CADPS2: variants seen among roughly 807,000 people sequenced by gnomAD.
CADPS2 encodes calcium-dependent secretion activator 2.
A neutral mutation model predicts 172.5 loss-of-function variants in CADPS2; 93 were observed. The observed-to-expected ratio is 0.54, with a 90% CI of 0.46 to 0.64. The LOEUF (loss-of-function observed/expected upper bound fraction) is 0.64. Ranked by LOEUF, CADPS2 falls within the 30% of genes least tolerant of loss-of-function variation. The pLI, the probability that CADPS2 is intolerant of heterozygous loss-of-function variation, is 0.00. For missense variants in CADPS2, 1,420 were observed against 1,565.9 expected, an observed-to-expected ratio of 0.91 and a Z score of 1.57; for synonymous variants, 546 against 555.2, an observed-to-expected ratio of 0.98 and a Z score of 0.23.
chr7:122,356,447 G>A (rs1290148281), intron 27 of CADPS2, among the ~76,000 whole-genome samples: 1 of 152,084 alleles, frequency 6.6e-6, no homozygotes, highest in African/African-American at 2.4e-5. Flanking sequence ...TGATCAACTG[G>A]CTGGGGTAAT....
chr7:122,469,554 GA>G (rs34867446), intron 14 of CADPS2, among the ~76,000 whole-genome samples: 7 of 152,192 alleles, frequency 4.6e-5, no homozygotes, highest in South Asian at 4.1e-4. Context: ...AGATAGTGGG[GA>G]AAAAACTACT....
chr7:122,438,741 T>C (rs2050976977), intron 16 of CADPS2, among the ~76,000 whole-genome samples: 2 of 152,060 alleles, frequency 1.3e-5, no homozygotes, highest in Non-Finnish European at 2.9e-5. Flanking sequence ...CCATTCAGTG[T>C]GACTGTCACT....
At chr7:122,666,328 T>A (rs2081186305) in intron 2 of CADPS2, among the ~76,000 whole-genome samples, 1 of 148,002 alleles carries the variant, frequency 6.8e-6, no homozygotes, top group South Asian at 2.2e-4. Flanking sequence ...TCCATTGCCC[T>A]ACCTGTGTCT....
Position 122,452,699 on chromosome 7 carries a change from C to T in CADPS2, c.2187-1224G>A, listed in dbSNP as rs2053279307. Reference sequence around the variant, plus strand: ...GGGTGAGCCACCGTGCCCAGCTTAGCTTATTTCTCTAAAGATTATATTTTA... The same window carrying T: ...GGGTGAGCCACCGTGCCCAGCTTAGTTTATTTCTCTAAAGATTATATTTTA... On this transcript the variant is annotated intron_variant, in intron 14 of 29. Coordinates refer to ENST00000449022, the MANE Select transcript of CADPS2 (RefSeq NM_017954.11). Among the ~76,000 whole-genome samples the T allele has an allele frequency of 2.0e-5, 3 of 152,198 alleles. 1 individual carries two copies. The South Asian group carries it at 6.2e-4, about 31-fold the overall frequency.
At chr7:122,686,576 C>T (rs1332105382) in intron 2 of CADPS2, among the ~76,000 whole-genome samples, 4 of 152,188 alleles carry the variant, frequency 2.6e-5, no homozygotes. Context: ...GCATTTCTAA[C>T]AAGTTCCCAG....
intron 8 of CADPS2, among the ~76,000 whole-genome samples, chr7:122,549,247 C>G (rs2063950828): frequency 6.6e-6 from 1 of 151,858 alleles, no homozygotes; most frequent in Admixed American, 6.6e-5. Flanking sequence ...GTCTCTAATA[C>G]AAAAAAATTG....
chr7:122,482,157 T>A (rs978152179), intron 11 of CADPS2, among the ~76,000 whole-genome samples: 1 of 152,098 alleles, frequency 6.6e-6, no homozygotes, highest in Admixed American at 6.5e-5. Context: ...TTCCTTGCAC[T>A]CAGGATGTTA....
At chr7:122,861,979 A>C (rs1817066593) in intron 1 of CADPS2, among the ~76,000 whole-genome samples, 1 of 152,228 alleles carries the variant, frequency 6.6e-6, no homozygotes, top group South Asian at 2.1e-4. Flanking sequence ...AAAATGAGGA[A>C]AATTTTAGAC....
rs557069215 is a variant in CADPS2, at chr7:122,639,024, A to T, written c.787-9696T>A. 2.0e-5 allele frequency among the ~76,000 whole-genome samples: 3 copies of T among 152,332 alleles called. No homozygotes were observed. In the East Asian group the frequency reaches 5.8e-4, roughly 29 times the overall value. ...TCTCTTCATAAAGCGAAATTTTCAG[A>T]GGCCAAAGGGTACTAACTTCTGTGG... On this transcript the variant is annotated intron_variant, in intron 3 of 29. Transcript: ENST00000449022.
intron 1 of CADPS2, among the ~76,000 whole-genome samples, chr7:122,757,788 T>G (rs1443045200): frequency 6.6e-6 from 1 of 152,054 alleles, no homozygotes; most frequent in Non-Finnish European, 1.5e-5. Context: ...TAGTCATTAT[T>G]CACACGATAC....
intron 1 of CADPS2, among the ~76,000 whole-genome samples, chr7:122,759,657 GA>G (rs1371550737): frequency 3.3e-5 from 5 of 152,232 alleles, no homozygotes; most frequent in African/African-American, 1.2e-4. Context: ...GGACTTCAAT[GA>G]TTTTAATGGA....
At position 122,541,661 on chromosome 7, in the gene CADPS2, ATATTCATATATGTTTATATATT is replaced by A. The variant is rs1242300514; in HGVS notation, c.1475+12867_1475+12888del. The stretch of plus-strand genomic sequence containing the variant: ...TATTCATATATATTCATATCTTTAT[ATATTCATATATGTTTATATATT>A]TATTCATATATGTTTATATATTCAT... On this transcript the variant is annotated intron_variant, in intron 8 of 29. Transcript: ENST00000449022. Among the ~76,000 whole-genome samples the A allele has an allele frequency of 5.5e-5, 8 of 145,578 alleles. No individual in the cohort carries two copies. The East Asian group carries it at 9.8e-4, about 18-fold the overall frequency.
chr7:122,559,529 T>C (rs2065454519), intron 7 of CADPS2, among the ~76,000 whole-genome samples: 1 of 152,014 alleles, frequency 6.6e-6, no homozygotes, highest in Non-Finnish European at 1.5e-5. Context: ...CCAGCACTTT[T>C]GGGAAGCCGA....
intron 9 of CADPS2, among the ~76,000 whole-genome samples, chr7:122,499,712 G>T (rs1000725599): frequency 2.0e-5 from 3 of 152,174 alleles, no homozygotes; most frequent in Admixed American, 2.0e-4. Flanking sequence ...GTTAGGGTAT[G>T]CAAGTAAACA....
rs114322349 is a variant in CADPS2 at position 122,670,802 on chromosome 7, T to A, written c.454-7233A>T. 4.5e-3 allele frequency among the ~76,000 whole-genome samples: 681 copies of A among 150,608 alleles called. 5 individuals carry two copies. Among genetic ancestry groups the A allele is most frequent in the African/African-American group, 0.016 (644 of 41,028 alleles). On this transcript the variant is annotated intron_variant, in intron 2 of 29. Transcript: ENST00000449022. ...AGGTGTGAGCCATGGTGCCCAGCCATGAGCCCAGGAATTCTAAGCTGCAGT... is the reference window on the plus strand; with the variant it reads ...AGGTGTGAGCCATGGTGCCCAGCCAAGAGCCCAGGAATTCTAAGCTGCAGT...
At chr7:122,338,517 G>A (rs2036255885) in intron 28 of CADPS2, among the ~76,000 whole-genome samples, 1 of 152,124 alleles carries the variant, frequency 6.6e-6, no homozygotes. Flanking sequence ...TAATGGCTAT[G>A]ACATGGGAAT....
At chr7:122,814,134 A>C (rs1162375535) in intron 1 of CADPS2, among the ~76,000 whole-genome samples, 1 of 151,944 alleles carries the variant, frequency 6.6e-6, no homozygotes, top group African/African-American at 2.4e-5. Context: ...GTTCTTAACT[A>C]AACCAAGCTA....
chr7:122,725,310 G>T (rs951417485), intron 2 of CADPS2, among the ~76,000 whole-genome samples: 2 of 151,746 alleles, frequency 1.3e-5, no homozygotes, highest in Non-Finnish European at 2.9e-5. Flanking sequence ...ACTACAACTC[G>T]TCCATTTTAC....
At chr7:122,544,761 C>T (rs1384220462) in intron 8 of CADPS2, among the ~76,000 whole-genome samples, 1 of 152,064 alleles carries the variant, frequency 6.6e-6, no homozygotes, top group Admixed American at 6.6e-5. Flanking sequence ...CAAAGCAAGC[C>T]ACATAGCCAA....
Sources: gnomAD v4.1 joint callset for allele counts (sites outside exome capture counted in the v4.1 genomes callset) on GRCh38, gnomAD v4.1.1 for gene constraint, MANE v1.5 for transcripts, NCBI Gene and HGNC (gene_info 2026-07-23, HGNC 2026-07-21) for gene names.